Variants in XPO4 observed in about 807,000 individuals in gnomAD.
The protein encoded by XPO4 is exportin 4, also known as exportin-4.
Under a neutral mutation model 143.0 loss-of-function variants are expected in XPO4, and 39 were observed. That is an observed-to-expected ratio of 0.27 (90% confidence interval 0.21 to 0.36). The LOEUF (loss-of-function observed/expected upper bound fraction) is 0.36. Among genes scored for constraint, XPO4 ranks in the 10% least tolerant of loss-of-function variants. The pLI is 1.00. For missense variants in XPO4, 907 were observed against 1,348.0 expected (o/e 0.67, Z 5.12); for synonymous variants, 439 against 474.0 (o/e 0.93, Z 0.96).
At chr13:20,892,445 A>G (rs942448472) in intron 1 of XPO4, among the ~76,000 whole-genome samples, 1 of 151,942 alleles carries the variant, frequency 6.6e-6, no homozygotes, top group African/African-American at 2.4e-5. Flanking sequence ...CCTTAAGATA[A>G]CCCAGCCTCT....
At chr13:20,874,393 T>C (rs1339968008) in intron 1 of XPO4, among the ~76,000 whole-genome samples, 1 of 152,206 alleles carries the variant, frequency 6.6e-6, no homozygotes. Flanking sequence ...GACGGTGCTA[T>C]GATTCAAATC....
intron 3 of XPO4, chr13:20,858,029 A>C (rs2060161244): frequency 1.0e-6 from 1 of 966,704 alleles, no homozygotes; most frequent in East Asian, 1.1e-4. Flanking sequence ...TTTAACTTGA[A>C]TCTAATCCAC....
intron 4 of XPO4, among the ~76,000 whole-genome samples, chr13:20,846,120 TA>T (rs2060026510): frequency 6.6e-6 from 1 of 152,218 alleles, no homozygotes; most frequent in South Asian, 2.1e-4. Flanking sequence ...TACAAATGAA[TA>T]ATCTATACTA....
At chr13:20,900,722 C>T (rs190297267) in intron 1 of XPO4, among the ~76,000 whole-genome samples, 1 of 151,964 alleles carries the variant, frequency 6.6e-6, no homozygotes, top group African/African-American at 2.4e-5. Flanking sequence ...AGCGATTCTC[C>T]TGTCTTCGCC....
chr13:20,851,526 T>C (rs1030605076), intron 4 of XPO4: 70 of 727,112 alleles, frequency 9.6e-5, no homozygotes, highest in Middle Eastern at 6.8e-4. Context: ...TTGGGCAACA[T>C]AGCAAAACCC....
At position 20,808,485 on chromosome 13, in the gene XPO4, T is replaced by C. The variant is rs1406667490; in HGVS notation, c.1590A>G (p.Lys530=). 6.4e-7 allele frequency: 1 copy of C among 1,572,176 alleles called. No homozygotes were observed. The change falls in exon 12 of 23, where the codon AAA becomes AAG. Residue 530 remains lysine (K), a synonymous_variant. Coordinates refer to ENST00000255305, the MANE Select transcript of XPO4 (RefSeq NM_022459.5). ...TATCTTCATAGAGATCATCAAGCATTTTGTTGTCAACAGTGCTTGAACCCG... is the reference window on the plus strand; with the variant it reads ...TATCTTCATAGAGATCATCAAGCATCTTGTTGTCAACAGTGCTTGAACCCG... ...ASPGSSTVDN[K]MLDDLYEDIH...
At chr13:20,851,692 A>G (rs1485672898) in intron 4 of XPO4, 1 of 883,824 alleles carries the variant, frequency 1.1e-6, no homozygotes, top group Non-Finnish European at 1.3e-6. Flanking sequence ...CCGAGGCAAC[A>G]GAGCAAGACC....
In XPO4 at chr13:20,783,872, G is replaced by T; in HGVS notation, c.3306C>A (p.Asp1102Glu). ...LVETLLSSQQDPVIYQRLADA... is the reference protein window; with the variant it reads ...LVETLLSSQQEPVIYQRLADA... ...CTGCTAATCTCTGGTAAATAACTGGGTCTTGCTGACTTGATAGTAATGTTT... is the reference window on the plus strand; with the variant it reads ...CTGCTAATCTCTGGTAAATAACTGGTTCTTGCTGACTTGATAGTAATGTTT... The change falls in exon 23 of 23, where the codon GAC (aspartate) becomes GAA (glutamate). Residue 1102 changes from aspartate (D) to glutamate (E), a missense_variant. Asp to Glu is a conservative substitution (Grantham distance 45). Coordinates refer to ENST00000255305, the MANE Select transcript of XPO4 (RefSeq NM_022459.5). 1.2e-6 allele frequency: 2 copies of T among 1,614,148 alleles called. No homozygotes were observed. Among genetic ancestry groups the T allele is most frequent in the Non-Finnish European group, 1.7e-6 (2 of 1,180,032 alleles).
At chr13:20,862,104 T>C (rs1205969046) in intron 3 of XPO4, among the ~76,000 whole-genome samples, 1 of 152,250 alleles carries the variant, frequency 6.6e-6, no homozygotes, top group Non-Finnish European at 1.5e-5. Flanking sequence ...CACATTTCTA[T>C]GTACACATAT....
chr13:20,816,921 G>A (rs754849044), intron 9 of XPO4, among the ~76,000 whole-genome samples: 6 of 152,214 alleles, frequency 3.9e-5, no homozygotes, highest in Non-Finnish European at 7.3e-5. Context: ...CTTTTAATGT[G>A]CAAGCTTTAA....
At position 20,781,319 on chromosome 13, in the gene XPO4, C is replaced by T. The variant is rs1452892302; in HGVS notation, c.*2403G>A. On this transcript the variant is annotated 3_prime_UTR_variant, in exon 23 of 23. Transcript: ENST00000255305. Reference sequence around the variant, plus strand: ...CAAAAGAAAACACAAAGTGAATAAGCATCCAATCAGGCAAACATGGACACA... The same window carrying T: ...CAAAAGAAAACACAAAGTGAATAAGTATCCAATCAGGCAAACATGGACACA... 1 of 152,538 alleles carries T rather than the reference C, an allele frequency of 6.6e-6. No individual in the cohort carries two copies. Among genetic ancestry groups the T allele is most frequent in the Non-Finnish European group, 1.5e-5 (1 of 68,032 alleles). 9.4% of individuals were successfully genotyped at this position (152,538 alleles called of 1,614,324 possible).
chr13:20,840,717 T>C (rs2059965551), intron 6 of XPO4, among the ~76,000 whole-genome samples: 2 of 152,326 alleles, frequency 1.3e-5, no homozygotes, highest in East Asian at 3.9e-4. Context: ...GCTAAATCTG[T>C]AGCTTAGTTT....
Position 20,862,745 on chromosome 13 carries a change from G to T in XPO4, c.289C>A (p.Leu97Ile). 1 of 1,614,140 alleles carries T rather than the reference G, an allele frequency of 6.2e-7. No homozygotes were observed. ...GGCCTTTGTAAGACATAGGTTAAAA[G>T]GAATGTTCGCAGAGACTCGATGCTA... is the stretch of plus-strand genomic sequence containing the variant. ...KGSIESLRTF[L>I]LTYVLQRPNL... The change falls in exon 3 of 23, where the codon CTT becomes ATT. Residue 97 changes from leucine to isoleucine, a missense_variant. Transcript: ENST00000255305.
intron 18 of XPO4, among the ~76,000 whole-genome samples, chr13:20,795,019 A>T (rs2059338189): frequency 6.6e-6 from 1 of 151,956 alleles, no homozygotes; most frequent in Admixed American, 6.6e-5. Flanking sequence ...AAAAAAAAAA[A>T]AAAAGACATG....
At chr13:20,797,136 C>G (rs138645543) in intron 16 of XPO4, 79 bp from the exon 17 acceptor site, 2 of 1,366,380 alleles carry the variant, frequency 1.5e-6, no homozygotes, top group African/African-American at 2.9e-5. Flanking sequence ...TATTCACTTT[C>G]CAAAACATTT....
In XPO4 at chr13:20,868,637, C is replaced by T; in HGVS notation, c.134G>A (p.Arg45Lys). Residue 45 changes from arginine (R) to lysine (K), a missense_variant, in exon 2 of 23, where the codon AGG becomes AAG. Physicochemically the swap from Arg to Lys is conservative, Grantham distance 26 (BLOSUM62 2). Coordinates refer to ENST00000255305, the MANE Select transcript of XPO4 (RefSeq NM_022459.5). Reference sequence around the variant, plus strand: ...AACTGCAAATGGTGATTTTGATTTCCTAAATGATAAGAATATGTGCTCTGC... The same window carrying T: ...AACTGCAAATGGTGATTTTGATTTCTTAAATGATAAGAATATGTGCTCTGC... ...QHAEHIFLSF[R>K]KSKSPFAVCK... is the part of the protein sequence containing the mutation. The T allele has an allele frequency of 6.2e-7, 1 of 1,612,868 alleles. No individual in the cohort carries two copies. Among genetic ancestry groups the T allele is most frequent in the Non-Finnish European group, 8.5e-7 (1 of 1,179,456 alleles).
intron 4 of XPO4, among the ~76,000 whole-genome samples, chr13:20,844,501 G>A (rs1048694388): frequency 3.3e-5 from 5 of 152,172 alleles, no homozygotes; most frequent in Non-Finnish European, 7.3e-5. Context: ...GACTAAAACA[G>A]TCAAGGTACA....
intron 12 of XPO4, 82 bp from the exon 13 acceptor site, chr13:20,807,716 T>TTATATGATG: frequency 9.3e-7 from 1 of 1,076,872 alleles, no homozygotes. Context: ...TCAGTTTGAT[T>TTATATGATG]TATATACATC....
chr13:20,813,818 C>T (rs1416467671), intron 9 of XPO4, among the ~76,000 whole-genome samples: 1 of 152,002 alleles, frequency 6.6e-6, no homozygotes, highest in African/African-American at 2.4e-5. Flanking sequence ...ATTAGCCAGG[C>T]GTGGTGGAAC....
Sources: allele counts gnomAD v4.1 joint callset (sites outside exome capture counted in the v4.1 genomes callset), GRCh38; gene constraint gnomAD v4.1.1; transcripts MANE v1.5; gene names NCBI Gene and HGNC (gene_info 2026-07-23, HGNC 2026-07-21).